SHANK2: variants seen among roughly 807,000 people sequenced by gnomAD.
The protein encoded by SHANK2 is SH3 and multiple ankyrin repeat domains 2.
A neutral mutation model predicts 133.7 loss-of-function variants in SHANK2; 43 were observed. The ratio of observed to expected loss-of-function variants is 0.32; its 90% CI spans 0.25 to 0.41. SHANK2 has a LOEUF of 0.41. Among genes scored for constraint, SHANK2 ranks in the 10% least tolerant of loss-of-function variants. The pLI is 1.00. For missense variants in SHANK2, 1,994 were observed against 2,235.8 expected, an observed-to-expected ratio of 0.89 and a Z score of 2.18; for synonymous variants, 1,017 against 952.8, an observed-to-expected ratio of 1.07 and a Z score of -1.24.
intron 10 of SHANK2, chr11:70,950,152 G>A (rs748491403): frequency 8.3e-5 from 38 of 455,732 alleles, no homozygotes; most frequent in Admixed American, 2.1e-4. Flanking sequence ...TCTGTCTCCC[G>A]GGTTCAAGTG....
intron 17 of SHANK2, among the ~76,000 whole-genome samples, chr11:70,522,830 A>G (rs1554971318): frequency 6.6e-6 from 1 of 152,240 alleles, no homozygotes; most frequent in African/African-American, 2.4e-5. Flanking sequence ...AGACTCGTGC[A>G]GAAGGGAAGC....
intron 9 of SHANK2, among the ~76,000 whole-genome samples, chr11:71,070,070 G>T (rs971175824): frequency 2.6e-5 from 4 of 152,190 alleles, no homozygotes; most frequent in South Asian, 2.1e-4. Context: ...AGTACAACAC[G>T]CAGTGCCTGC....
At chr11:71,069,964 T>G (rs1039878909) in intron 9 of SHANK2, among the ~76,000 whole-genome samples, 1 of 152,210 alleles carries the variant, frequency 6.6e-6, no homozygotes, top group African/African-American at 2.4e-5. Flanking sequence ...GTGCCTGCTC[T>G]AATGAACCAC....
intron 17 of SHANK2, among the ~76,000 whole-genome samples, chr11:70,563,539 C>CTT (rs35931621): frequency 0.58 from 77,952 of 135,362 alleles, 22,998 homozygotes; most frequent in Middle Eastern, 0.68. Context: ...TCTGTGGTCA[C>CTT]TTTTTTTTTT....
rs567097004 is a variant in SHANK2 at position 71,182,271 on chromosome 11, C to T, written c.-12-34933G>A. On this transcript the variant is annotated intron_variant, in intron 2 of 25. Transcript: ENST00000601538. ...TGAGTTTCTACACACAGAGCAGAAA[C>T]AGTGCCTGTCTTTGTTCAGATGATC... Among the ~76,000 whole-genome samples the T allele has an allele frequency of 3.9e-5, 6 of 152,304 alleles. No homozygotes were observed. The South Asian group carries it at 1.2e-3, about 32-fold the overall frequency.
At chr11:70,914,682 T>C (rs566756532) in intron 10 of SHANK2, among the ~76,000 whole-genome samples, 6 of 141,128 alleles carry the variant, frequency 4.3e-5, no homozygotes, top group Non-Finnish European at 7.7e-5. Context: ...TAAAATAAAA[T>C]AAAATAAAAT....
intron 14 of SHANK2, among the ~76,000 whole-genome samples, chr11:70,787,598 G>A (rs923698307): frequency 2.8e-5 from 4 of 143,536 alleles, no homozygotes; most frequent in African/African-American, 7.8e-5. Context: ...TACCATCATC[G>A]CCATGAGCAC....
Position 70,874,925 on chromosome 11 carries a change from A to G in SHANK2, c.1174+21576T>C, listed in dbSNP as rs913264888. Among the ~76,000 whole-genome samples, 7 of 152,340 alleles carry G rather than the reference A, an allele frequency of 4.6e-5. No individual in the cohort carries two copies. In the South Asian group the frequency reaches 6.2e-4, roughly 14 times the overall value. ...CCCTGCAGACTTCACTCCAGTCAAA[A>G]GGCTGTAGCTAAGCCCACTCATGCC... On this transcript the variant is annotated intron_variant, in intron 11 of 25. Coordinates refer to ENST00000601538, the MANE Select transcript of SHANK2 (RefSeq NM_012309.5).
chr11:70,505,128 A>G (rs1375034539), intron 17 of SHANK2, among the ~76,000 whole-genome samples: 1 of 152,084 alleles, frequency 6.6e-6, no homozygotes, highest in Non-Finnish European at 1.5e-5. Flanking sequence ...GTAAAAGGAG[A>G]CTGAACAGAG....
At chr11:70,621,710 G>A (rs2136456451) in intron 17 of SHANK2, among the ~76,000 whole-genome samples, 1 of 152,340 alleles carries the variant, frequency 6.6e-6, no homozygotes, top group African/African-American at 2.4e-5. Flanking sequence ...AGGCAAGTGA[G>A]TGTAGAAGGG....
chr11:70,846,874 A>G (rs1415797921), intron 11 of SHANK2, among the ~76,000 whole-genome samples: 2 of 151,964 alleles, frequency 1.3e-5, no homozygotes, highest in Non-Finnish European at 2.9e-5. Context: ...TCCAATGGAG[A>G]GCCTTCGGTG....
chr11:70,947,156 C>T (rs1555085639), intron 10 of SHANK2, among the ~76,000 whole-genome samples: 1 of 127,094 alleles, frequency 7.9e-6, no homozygotes, highest in Non-Finnish European at 1.9e-5. Flanking sequence ...CACACACACA[C>T]ACACACACAC....
rs536394575 is a variant in SHANK2 at position 70,754,129 on chromosome 11, G to T, written c.1777+44314C>A. Among the ~76,000 whole-genome samples, 4 of 152,284 alleles carry T rather than the reference G, an allele frequency of 2.6e-5. No homozygotes were observed. The South Asian group carries it at 6.2e-4, about 24-fold the overall frequency. On this transcript the variant is annotated intron_variant, in intron 14 of 25. Coordinates refer to ENST00000601538, the MANE Select transcript of SHANK2 (RefSeq NM_012309.5). ...GCCTGACAATTGTGTAGTTTAAAAA[G>T]CATCTGAAAAAGACTTCTTGACTCC...
intron 10 of SHANK2, among the ~76,000 whole-genome samples, chr11:70,901,899 G>A (rs1202658220): frequency 6.6e-6 from 1 of 152,204 alleles, no homozygotes; most frequent in Admixed American, 6.5e-5. Flanking sequence ...AGAAGGCATC[G>A]ACTGGTAAGT....
chr11:71,217,529 C>T (rs1400106315), intron 2 of SHANK2, among the ~76,000 whole-genome samples: 1 of 151,626 alleles, frequency 6.6e-6, no homozygotes, highest in Non-Finnish European at 1.5e-5. Context: ...AACTGTAAAA[C>T]AGCCTCAGGC....
At chr11:71,216,428 T>A (rs1396220558) in intron 2 of SHANK2, among the ~76,000 whole-genome samples, 1 of 152,158 alleles carries the variant, frequency 6.6e-6, no homozygotes. Context: ...TCCGTAGAGA[T>A]GAAATGGAGA....
chr11:70,723,227 A>G (rs142389275), intron 14 of SHANK2, among the ~76,000 whole-genome samples: 4 of 152,250 alleles, frequency 2.6e-5, no homozygotes, highest in Middle Eastern at 3.4e-3. Context: ...CAAGATATAC[A>G]TGACTTCATG....
chr11:70,661,921 G>A (rs1309090930), intron 15 of SHANK2: 2 of 1,013,248 alleles, frequency 2.0e-6, no homozygotes, highest in Non-Finnish European at 3.0e-6. Context: ...CAGAGCCGGA[G>A]CCAGCCGGAG....
chr11:71,075,545 G>T (rs1333890381), intron 8 of SHANK2, among the ~76,000 whole-genome samples: 1 of 152,156 alleles, frequency 6.6e-6, no homozygotes, highest in Non-Finnish European at 1.5e-5. Flanking sequence ...GTCTGGGAAG[G>T]GGCCCCAAAG....
Sources: allele counts gnomAD v4.1 joint callset (sites outside exome capture counted in the v4.1 genomes callset), GRCh38; gene constraint gnomAD v4.1.1; transcripts MANE v1.5; gene names NCBI Gene and HGNC (gene_info 2026-07-23, HGNC 2026-07-21).